IDO2: variants seen among roughly 807,000 people sequenced by gnomAD.
IDO2 encodes the protein indoleamine 2,3-dioxygenase-like 1 protein.
IDO2 carries 46 observed loss-of-function variants against 45.1 expected under a neutral mutation model. The ratio of observed to expected loss-of-function variants is 1.02; its 90% CI spans 0.80 to 1.30. The LOEUF (loss-of-function observed/expected upper bound fraction) is 1.30, where lower values mean the gene tolerates loss of function less well. IDO2 is among the 50% of genes most tolerant of loss of function. IDO2 has a pLI of 0.00. For synonymous variants in IDO2, 218 were observed against 184.9 expected, an observed-to-expected ratio of 1.18 and a Z score of -1.45; for missense variants, 544 against 491.8, an observed-to-expected ratio of 1.11 and a Z score of -1.00.
intron 9 of IDO2, among the ~76,000 whole-genome samples, chr8:40,009,529 A>G (rs1274021416): frequency 6.6e-6 from 1 of 152,094 alleles, no homozygotes; most frequent in African/African-American, 2.4e-5. Flanking sequence ...AAAGGCTAAA[A>G]ATAATTGTGC....
chr8:39,982,781 A>G lies in IDO2; in HGVS notation c.434+11A>G, dbSNP rs1808373686. 1.3e-6 allele frequency: 2 copies of G among 1,488,698 alleles called. No individual in the cohort carries two copies. Among genetic ancestry groups the G allele is most frequent in the African/African-American group, 1.4e-5 (1 of 71,546 alleles). The allele number at this position is 1,488,698 out of a possible 1,614,324, so 92.2% of individuals were successfully genotyped here. Reference sequence around the variant, plus strand: ...AAAAGATCCAGACGGGTAAGGAAGGAAGAGAATGCTTTGAATTTCCATAAC... The same window carrying G: ...AAAAGATCCAGACGGGTAAGGAAGGGAGAGAATGCTTTGAATTTCCATAAC... On this transcript the variant is annotated intron_variant, in intron 5 of 10. Coordinates refer to ENST00000502986, the Ensembl canonical transcript of IDO2.
At chr8:39,939,080 C>T (rs1339400606) in intron 1 of IDO2, among the ~76,000 whole-genome samples, 4 of 151,730 alleles carry the variant, frequency 2.6e-5, no homozygotes, top group African/African-American at 9.7e-5. Flanking sequence ...GGTGAAACCC[C>T]GGCTCTACTA....
At chr8:39,959,208 G>C (rs1807952097) in intron 2 of IDO2, among the ~76,000 whole-genome samples, 1 of 151,458 alleles carries the variant, frequency 6.6e-6, no homozygotes, top group Non-Finnish European at 1.5e-5. Context: ...CCCAGGTTCA[G>C]GCCATTCTCC....
chr8:39,985,644 C>A, intron 6 of IDO2, 122 bp downstream of exon 6: 4 of 797,132 alleles, frequency 5.0e-6, no homozygotes, highest in South Asian at 3.7e-5. Flanking sequence ...ATATAAAATG[C>A]ATAAAAAATA....
In IDO2 at chr8:39,989,823, T is replaced by G. The variant is rs563984978; in HGVS notation, c.652T>G (p.Leu218Val). 4.0e-5 allele frequency: 64 copies of G among 1,593,282 alleles called. No homozygotes were observed. The Admixed American group carries it at 6.6e-4, about 17-fold the overall frequency. ...GTCTATTCAGGACATCACCAAAACC[T>G]TAGGACAGATGCATGGTAAGATGCT... The change falls in exon 8 of 11, where the codon TTA (leucine) becomes GTA (valine). Residue 218 changes from leucine (L) to valine (V), a missense_variant. Physicochemically the swap from Leu to Val is conservative, Grantham distance 32 (BLOSUM62 1). Coordinates refer to ENST00000502986, the Ensembl canonical transcript of IDO2.
intron 2 of IDO2, among the ~76,000 whole-genome samples, chr8:39,952,104 C>T (rs1360141043): frequency 6.6e-6 from 1 of 152,212 alleles, no homozygotes; most frequent in African/African-American, 2.4e-5. Flanking sequence ...CCATTTTCAA[C>T]TGCTCCCTTT....
At chr8:39,994,476 C>G (rs2729479) in intron 8 of IDO2, among the ~76,000 whole-genome samples, 2 of 151,804 alleles carry the variant, frequency 1.3e-5, no homozygotes. Flanking sequence ...AGGCTGGTCT[C>G]GAACTCCTGA....
chr8:39,994,393 G>GA, intron 8 of IDO2, among the ~76,000 whole-genome samples: 1 of 152,130 alleles, frequency 6.6e-6, no homozygotes, highest in Non-Finnish European at 1.5e-5. Context: ...TAGTAGCTGG[G>GA]ATTATAGGCG....
At chr8:39,949,932 T>A (rs1161286145) in intron 2 of IDO2, among the ~76,000 whole-genome samples, 1 of 152,214 alleles carries the variant, frequency 6.6e-6, no homozygotes, top group Non-Finnish European at 1.5e-5. Flanking sequence ...TTCTTAATTC[T>A]ACTTAGGGCT....
rs1316137873 is a variant in IDO2 at position 39,996,797 on chromosome 8, T to C, written c.667+6959T>C. On this transcript the variant is annotated intron_variant, in intron 8 of 10. Coordinates refer to ENST00000502986, the Ensembl canonical transcript of IDO2. The stretch of plus-strand genomic sequence containing the variant: ...AATCATACTAAATGAAAGGGCACCA[T>C]TTTACAAGCACTAGAACTACATTAA... 3.3e-5 allele frequency among the ~76,000 whole-genome samples: 5 copies of C among 152,210 alleles called. No homozygotes were observed. The East Asian group carries it at 9.6e-4, about 29-fold the overall frequency.
chr8:39,989,871 C>G, intron 8 of IDO2, 33 bp downstream of exon 8: 2 of 1,448,770 alleles, frequency 1.4e-6, no homozygotes, highest in East Asian at 4.9e-5. Context: ...GAAGGATCCC[C>G]CAGGGGTCCT....
At chr8:39,989,441 GAGA>G (rs141902491) in intron 7 of IDO2, among the ~76,000 whole-genome samples, 3,201 of 152,278 alleles carry the variant, frequency 0.021, 59 homozygotes, top group Middle Eastern at 0.041. Flanking sequence ...ACAAATCCGA[GAGA>G]AGAAGAGTAA....
chr8:39,995,197 T>TCCTTCTC (rs1802016904), intron 8 of IDO2: 1 of 80,570 alleles, frequency 1.2e-5, no homozygotes, highest in Non-Finnish European at 2.5e-5. Flanking sequence ...TTCTTCTTCT[T>TCCTTCTC]CTTCTCCTTC....
At chr8:39,963,176 C>T (rs1319789461) in intron 2 of IDO2, among the ~76,000 whole-genome samples, 1 of 152,190 alleles carries the variant, frequency 6.6e-6, no homozygotes, top group Non-Finnish European at 1.5e-5. Flanking sequence ...TATCTGCTGT[C>T]CCCTCTACCT....
chr8:39,934,912 G>T, exon 1 of IDO2: 1 of 554,006 alleles, frequency 1.8e-6, no homozygotes, highest in Admixed American at 3.3e-5. Context: ...TCATTTGCTG[G>T]TGTCTGCAAA....
chr8:40,013,366 T>C (rs547861399), intron 9 of IDO2, among the ~76,000 whole-genome samples, 199 bp from the exon 10 acceptor site: 32 of 152,274 alleles, frequency 2.1e-4, no homozygotes, highest in African/African-American at 7.5e-4. Context: ...AGAAAAGGGC[T>C]GTGATTTTAT....
At chr8:39,962,532 C>T (rs1808014843) in intron 2 of IDO2, among the ~76,000 whole-genome samples, 1 of 152,178 alleles carries the variant, frequency 6.6e-6, no homozygotes, top group South Asian at 2.1e-4. Flanking sequence ...GGATTTTCTG[C>T]TCCTCAGCTC....
intron 3 of IDO2, among the ~76,000 whole-genome samples, chr8:39,978,766 C>T (rs936504474): frequency 4.6e-5 from 7 of 151,996 alleles, no homozygotes; most frequent in Admixed American, 2.6e-4. Flanking sequence ...TACAACATTC[C>T]AGCCAAGCAG....
At chr8:39,939,520 C>G (rs983301775) in intron 1 of IDO2, among the ~76,000 whole-genome samples, 2 of 133,804 alleles carry the variant, frequency 1.5e-5, no homozygotes, top group African/African-American at 6.1e-5. Context: ...GTACTCCAGC[C>G]TGAACGACAG....
Sources: gnomAD v4.1 joint callset for allele counts (sites outside exome capture counted in the v4.1 genomes callset) on GRCh38, gnomAD v4.1.1 for gene constraint, MANE v1.5 for transcripts, NCBI Gene and HGNC (gene_info 2026-07-23, HGNC 2026-07-21) for gene names.